The following IQCE variants were observed in gnomAD, a reference collection of about 807,000 sequenced individuals.
IQCE encodes the protein IQ motif containing E, also known as IQ domain-containing protein E.
Under a neutral mutation model 96.0 loss-of-function variants are expected in IQCE, and 115 were observed. The observed-to-expected ratio is 1.20, with a 90% CI of 1.03 to 1.40. The LOEUF is 1.40. IQCE is among the 40% of genes most tolerant of loss of function. The pLI is 0.00. For synonymous variants in IQCE, 412 were observed against 371.2 expected (o/e 1.11, Z -1.26); for missense variants, 1,041 against 909.1 (o/e 1.15, Z -1.87).
intron 16 of IQCE, among the ~76,000 whole-genome samples, chr7:2,595,295 G>T (rs910053792): frequency 6.6e-6 from 1 of 152,188 alleles, no homozygotes; most frequent in African/African-American, 2.4e-5. Context: ...GAGGGGCTTG[G>T]GGGGAAAGGA....
rs1463481370 is a variant in IQCE, at chr7:2,611,589, GGA to G, written c.*1433_*1434del. Reference sequence around the variant, plus strand: ...GCCCCAACACAGTGGCTTGTGAAAGGGAGAGAGGAGGCTCTGCATGTCCACCT... The same window carrying G: ...GCCCCAACACAGTGGCTTGTGAAAGGGAGAGGAGGCTCTGCATGTCCACCT... On this transcript the variant is annotated 3_prime_UTR_variant, in exon 22 of 22. Transcript: ENST00000402050. 14 of 152,262 alleles carry G rather than the reference GGA, an allele frequency of 9.2e-5. No individual in the cohort carries two copies. The highest frequency in any genetic ancestry group is 8.5e-4 in the Admixed American group (13 of 15,282). The allele number at this position is 152,262 out of a possible 1,614,324, so 9.4% of individuals were successfully genotyped here. A position where few individuals can be genotyped will look rare whatever the true frequency, so the allele number is the denominator to read the frequency against.
intron 17 of IQCE, among the ~76,000 whole-genome samples, chr7:2,598,955 G>A (rs1252729443): frequency 2.0e-5 from 3 of 152,166 alleles, no homozygotes; most frequent in Non-Finnish European, 4.4e-5. Context: ...CCACAGCACC[G>A]TGACTGCACC....
At chr7:2,585,842 CTG>C (rs1300986458) in intron 11 of IQCE, among the ~76,000 whole-genome samples, 2 of 152,202 alleles carry the variant, frequency 1.3e-5, no homozygotes, top group Non-Finnish European at 2.9e-5. Flanking sequence ...TGAGGATCGA[CTG>C]TACTTTACAC....
chr7:2,595,980 C>T (rs1326261343), intron 16 of IQCE, among the ~76,000 whole-genome samples: 1 of 152,236 alleles, frequency 6.6e-6, no homozygotes, highest in Non-Finnish European at 1.5e-5. Context: ...AGGGCGTCCT[C>T]ACAAATCCCC....
intron 1 of IQCE, among the ~76,000 whole-genome samples, chr7:2,565,239 GTGTGTGTGTGTGCA>G (rs895569894): frequency 2.0e-5 from 3 of 147,686 alleles, no homozygotes; most frequent in African/African-American, 7.7e-5. Flanking sequence ...GTGTGTGTGC[GTGTGTGTGTGTGCA>G]TGCGTGTGTG....
intron 1 of IQCE, among the ~76,000 whole-genome samples, chr7:2,565,141 T>C (rs567473312): frequency 6.6e-6 from 1 of 150,482 alleles, no homozygotes; most frequent in East Asian, 1.9e-4. Flanking sequence ...TGAGTGTGTG[T>C]GTGTGTGTGT....
At chr7:2,565,926 C>T (rs906565992) in intron 1 of IQCE, among the ~76,000 whole-genome samples, 2 of 152,154 alleles carry the variant, frequency 1.3e-5, no homozygotes, top group South Asian at 4.1e-4. Flanking sequence ...TCTAGTTGCA[C>T]CTTATCCATG....
intron 3 of IQCE, 24 bp downstream of exon 3, chr7:2,569,023 C>T (rs369323781): frequency 2.4e-4 from 380 of 1,609,602 alleles, no homozygotes; most frequent in Non-Finnish European, 3.0e-4. Flanking sequence ...GGCCTGCCTT[C>T]CCTCTCACGC....
intron 17 of IQCE, among the ~76,000 whole-genome samples, chr7:2,599,774 A>G (rs906848252): frequency 6.6e-6 from 1 of 150,778 alleles, no homozygotes; most frequent in African/African-American, 2.4e-5. Flanking sequence ...GGTGTGAGCT[A>G]CCACACCTAG....
At position 2,578,536 on chromosome 7, in the gene IQCE, G is replaced by C; in HGVS notation, c.630+10G>C. 1 of 1,614,100 alleles carries C rather than the reference G, an allele frequency of 6.2e-7. No individual in the cohort carries two copies. Among genetic ancestry groups the C allele is most frequent in the South Asian group, 1.1e-5 (1 of 91,086 alleles). ...GCCCGATGCCAGTTGGGTGAGTATG[G>C]TGTGTGCAGGACAGAGCCTTTCCCC... On this transcript the variant is annotated intron_variant, in intron 8 of 21. Coordinates refer to ENST00000402050, the MANE Select transcript of IQCE (RefSeq NM_152558.5).
At chr7:2,584,145 C>T in intron 10 of IQCE, 91 bp from the exon 11 acceptor site, 1 of 1,115,910 alleles carries the variant, frequency 9.0e-7, no homozygotes, top group South Asian at 1.2e-5. Flanking sequence ...TGGCCGTAGG[C>T]AGCGGTCAGG....
At chr7:2,606,108 C>T (rs950151948) in intron 20 of IQCE, 111 bp downstream of exon 20, 23 of 1,314,010 alleles carry the variant, frequency 1.8e-5, no homozygotes, top group Admixed American at 3.0e-5. Flanking sequence ...GGAGCAGCGC[C>T]TGCCGCCTGC....
rs1426054032 is a variant in IQCE at position 2,612,971 on chromosome 7, T to G, written c.*2809T>G. ...TGCCAAAGCAGGCCCCATCTACCACTTCAGGGTCGACGTTGGTGGCAGGTG... is the reference window on the plus strand; with the variant it reads ...TGCCAAAGCAGGCCCCATCTACCACGTCAGGGTCGACGTTGGTGGCAGGTG... On this transcript the variant is annotated 3_prime_UTR_variant, in exon 22 of 22. Transcript: ENST00000402050. 1.3e-5 allele frequency: 2 copies of G among 152,210 alleles called. No individual in the cohort carries two copies. Among genetic ancestry groups the G allele is most frequent in the Non-Finnish European group, 2.9e-5 (2 of 68,038 alleles). The allele number at this position is 152,210 out of a possible 1,614,324, so 9.4% of individuals were successfully genotyped here. A position where few individuals can be genotyped will look rare whatever the true frequency, so the allele number is the denominator to read the frequency against.
At chr7:2,599,496 T>A (rs970752842) in intron 17 of IQCE, among the ~76,000 whole-genome samples, 8 of 151,826 alleles carry the variant, frequency 5.3e-5, no homozygotes, top group African/African-American at 1.9e-4. Context: ...ACACCCGGCC[T>A]TTTTTTTCTT....
chr7:2,565,828 AT>A (rs1194814985), intron 1 of IQCE, among the ~76,000 whole-genome samples: 3 of 152,204 alleles, frequency 2.0e-5, no homozygotes, highest in African/African-American at 7.2e-5. Flanking sequence ...TCAATGGCTG[AT>A]TTTTTTAAAC....
Position 2,571,644 on chromosome 7 carries a change from C to T in IQCE, c.249C>T (p.Thr83=), listed in dbSNP as rs368265748. 1.8e-5 allele frequency: 29 copies of T among 1,599,604 alleles called. 1 individual carries two copies. Among genetic ancestry groups the T allele is most frequent in the African/African-American group, 9.3e-5 (7 of 75,032 alleles). Residue 83 remains threonine, a synonymous_variant, in exon 4 of 22, where the codon ACC becomes ACT. Transcript: ENST00000402050. ...CCCCGCAGAAGCTGTGGCTGGGAAC[C>T]GCAAAGCCAGGTATGTGGTTGTCGC... ...SLTPQKLWLG[T]AKPGSLTQAL... is the part of the protein sequence containing the mutation.
chr7:2,586,191 C>A lies in IQCE; in HGVS notation c.825-17C>A, dbSNP rs147147454. ...GCTTAGCAATGCAAACCTCAGTCCA[C>A]GATTTGGTTGTTCCAGGCCCCTGGG... On this transcript the variant is annotated splice_polypyrimidine_tract_variant and intron_variant, in intron 11 of 21. Transcript: ENST00000402050. 2 of 1,608,030 alleles carry A rather than the reference C, an allele frequency of 1.2e-6. No homozygotes were observed. The highest frequency in any genetic ancestry group is 2.2e-5 in the East Asian group (1 of 44,816).
intron 11 of IQCE, chr7:2,584,566 A>C: frequency 2.4e-6 from 1 of 416,608 alleles, no homozygotes; most frequent in Admixed American, 3.9e-5. Context: ...AGAGCTAGAA[A>C]GTGCTGTTTC....
Position 2,605,959 on chromosome 7 carries a change from G to A in IQCE, c.1827G>A (p.Gln609=), listed in dbSNP as rs753958213. ...PVQEEAIVII[Q]SALRAHLARA... ...AGGAGGAGGCCATCGTCATCATCCA[G>A]TCCGCTCTGCGGGCACACCTGGCCC... is the stretch of plus-strand genomic sequence containing the variant. Residue 609 remains glutamine (Q), a synonymous_variant, in exon 20 of 22, where the codon CAG becomes CAA. Transcript: ENST00000402050. The A allele has an allele frequency of 8.7e-6, 14 of 1,610,954 alleles. No homozygotes were observed. The highest frequency in any genetic ancestry group is 1.2e-5 in the Non-Finnish European group (14 of 1,179,176).
Sources: allele counts gnomAD v4.1 joint callset (sites outside exome capture counted in the v4.1 genomes callset), GRCh38; gene constraint gnomAD v4.1.1; transcripts MANE v1.5; gene names NCBI Gene and HGNC (gene_info 2026-07-23, HGNC 2026-07-21).